Variants in PACRG observed in about 807,000 individuals in gnomAD.
PACRG encodes the protein parkin coregulated gene protein.
Under a neutral mutation model 29.7 loss-of-function variants are expected in PACRG, and 29 were observed. The ratio of observed to expected loss-of-function variants is 0.98; its 90% CI spans 0.73 to 1.33. The LOEUF (loss-of-function observed/expected upper bound fraction) is 1.33, where lower values mean the gene tolerates loss of function less well. Ranked by LOEUF, PACRG falls within the 40% of genes most tolerant of loss-of-function variation. The pLI is 0.00. For synonymous variants in PACRG, 116 were observed against 118.7 expected (o/e 0.98, Z 0.15); for missense variants, 279 against 316.2 (o/e 0.88, Z 0.89).
intron 2 of PACRG, among the ~76,000 whole-genome samples, chr6:162,979,235 G>A (rs1286750492): frequency 6.6e-6 from 1 of 152,052 alleles, no homozygotes; most frequent in Non-Finnish European, 1.5e-5. Flanking sequence ...CTGGGGTGAG[G>A]TGACATCTCA....
At chr6:162,775,664 T>C (rs547652114) in intron 1 of PACRG, among the ~76,000 whole-genome samples, 1 of 152,334 alleles carries the variant, frequency 6.6e-6, no homozygotes, top group Non-Finnish European at 1.5e-5. Context: ...ATGTGTAATG[T>C]TTTCTAGTGT....
chr6:162,878,390 CT>C (rs1307393582), intron 2 of PACRG, among the ~76,000 whole-genome samples: 1 of 152,076 alleles, frequency 6.6e-6, no homozygotes, highest in Non-Finnish European at 1.5e-5. Flanking sequence ...ATAATGAATT[CT>C]TTTTTGAATA....
chr6:163,314,474 C>T (rs1049278032), intron 4 of PACRG, among the ~76,000 whole-genome samples: 7 of 152,146 alleles, frequency 4.6e-5, no homozygotes, highest in African/African-American at 1.7e-4. Flanking sequence ...ATAGACTGTT[C>T]CTTCTAAGTA....
At position 162,856,686 on chromosome 6, in the gene PACRG, A is replaced by G. The variant is rs148153386; in HGVS notation, c.291+42405A>G. Among the ~76,000 whole-genome samples the G allele has an allele frequency of 3.7e-3, 562 of 152,344 alleles. 3 individuals are homozygous for G. The highest frequency in any genetic ancestry group is 0.012 in the African/African-American group (517 of 41,580). ...CACACTTTTCATATATGATGTGATTAGTGTAAATAAGTAGTTGATTTTGCT... is the reference window on the plus strand; with the variant it reads ...CACACTTTTCATATATGATGTGATTGGTGTAAATAAGTAGTTGATTTTGCT... On this transcript the variant is annotated intron_variant, in intron 2 of 4. Transcript: ENST00000366888.
chr6:162,906,106 TGTC>T (rs1795917387), intron 2 of PACRG, among the ~76,000 whole-genome samples: 1 of 152,240 alleles, frequency 6.6e-6, no homozygotes, highest in Non-Finnish European at 1.5e-5. Flanking sequence ...TTTTTACTAT[TGTC>T]TTCTTCATGG....
intron 2 of PACRG, among the ~76,000 whole-genome samples, chr6:163,014,041 TA>T (rs1003651078): frequency 6.6e-6 from 1 of 152,182 alleles, no homozygotes; most frequent in African/African-American, 2.4e-5. Context: ...ACATCTTCCT[TA>T]AAATTTTTCA....
chr6:162,745,781 T>A (rs1780944138), intron 1 of PACRG, among the ~76,000 whole-genome samples: 2 of 152,154 alleles, frequency 1.3e-5, no homozygotes, highest in Non-Finnish European at 1.5e-5. Flanking sequence ...TCTGTGGTAG[T>A]GAAGAAGTGT....
chr6:163,282,540 A>G (rs971255676), intron 4 of PACRG, among the ~76,000 whole-genome samples: 2 of 151,988 alleles, frequency 1.3e-5, no homozygotes, highest in African/African-American at 4.8e-5. Flanking sequence ...GTGAAACCCC[A>G]TCTCTACTAA....
chr6:163,024,599 A>T (rs1481685541), intron 2 of PACRG, among the ~76,000 whole-genome samples: 2 of 152,080 alleles, frequency 1.3e-5, no homozygotes, highest in Non-Finnish European at 2.9e-5. Flanking sequence ...TTTTTTTCTG[A>T]TTCTGTGAAG....
chr6:162,843,028 C>A (rs910819868), intron 2 of PACRG, among the ~76,000 whole-genome samples: 3 of 144,594 alleles, frequency 2.1e-5, no homozygotes, highest in Non-Finnish European at 4.5e-5. Flanking sequence ...CTGCCCTTAA[C>A]ATTTTTTCCT....
rs571950315 is a variant in PACRG at position 163,055,661 on chromosome 6, T to C, written c.292-6489T>C. On this transcript the variant is annotated intron_variant, in intron 2 of 4. Coordinates refer to ENST00000366888, the MANE Select transcript of PACRG (RefSeq NM_001080379.2). This position sits in a 1 kb window ranked among gnomAD's most constrained non-coding sequence, Gnocchi z 4.0. ...TGTTGTTATTTGTTTTTTATTGTTT[T>C]ATTTTTTCTTTGGCATTTTTATCAT... 5.3e-5 allele frequency among the ~76,000 whole-genome samples: 8 copies of C among 152,336 alleles called. No homozygotes were observed. The highest frequency in any genetic ancestry group is 3.4e-3 in the Middle Eastern group (1 of 294).
At chr6:162,881,869 AGG>A (rs1793881988) in intron 2 of PACRG, among the ~76,000 whole-genome samples, 1 of 123,956 alleles carries the variant, frequency 8.1e-6, no homozygotes, top group African/African-American at 3.1e-5. Flanking sequence ...ACCAGAGACC[AGG>A]GGGCGCTCTC....
At chr6:162,814,366 A>G (rs1446045652) in intron 2 of PACRG, 85 bp downstream of exon 2, 1 of 1,512,636 alleles carries the variant, frequency 6.6e-7, no homozygotes, top group Admixed American at 1.9e-5. Context: ...TGCTTAAGTA[A>G]ATAAACTGGA....
At chr6:162,829,677 G>A (rs1197004240) in intron 2 of PACRG, among the ~76,000 whole-genome samples, 4 of 151,892 alleles carry the variant, frequency 2.6e-5, no homozygotes, top group Non-Finnish European at 4.4e-5. Context: ...CCATTGGAAC[G>A]TTCAGCAACA....
intron 2 of PACRG, among the ~76,000 whole-genome samples, chr6:162,880,901 C>T (rs1273738051): frequency 6.6e-6 from 1 of 152,230 alleles, no homozygotes; most frequent in Non-Finnish European, 1.5e-5. Context: ...GCCAGGGGTG[C>T]ATCGTTCAGG....
chr6:163,176,228 G>C (rs539749866), intron 4 of PACRG, among the ~76,000 whole-genome samples: 8 of 152,206 alleles, frequency 5.3e-5, no homozygotes, highest in Non-Finnish European at 1.2e-4. Flanking sequence ...CTTGGACACA[G>C]AAGGTGATCA....
intron 4 of PACRG, among the ~76,000 whole-genome samples, chr6:163,309,376 C>T (rs769057929): frequency 6.6e-6 from 1 of 152,212 alleles, no homozygotes; most frequent in African/African-American, 2.4e-5. Context: ...GTCTCATGCT[C>T]TCTGCGGCTA....
At chr6:163,144,333 TACACACACATACATACAC>T (rs879461583) in intron 4 of PACRG, among the ~76,000 whole-genome samples, 211 of 109,070 alleles carry the variant, frequency 1.9e-3, no homozygotes, top group Non-Finnish European at 3.3e-3. Flanking sequence ...GCAACACACA[TACACACACATACATACAC>T]ACACACACAC....
intron 2 of PACRG, among the ~76,000 whole-genome samples, chr6:162,972,895 A>G (rs1349299425): frequency 6.6e-6 from 1 of 152,236 alleles, no homozygotes; most frequent in African/African-American, 2.4e-5. Flanking sequence ...ATGATTCTTT[A>G]GATTTAAATG....
Sources: allele counts gnomAD v4.1 joint callset (sites outside exome capture counted in the v4.1 genomes callset), GRCh38; gene constraint gnomAD v4.1.1; non-coding constraint Gnocchi (gnomAD v3.1); transcripts MANE v1.5; gene names NCBI Gene and HGNC (gene_info 2026-07-23, HGNC 2026-07-21).